PKNOX2: variants seen among roughly 807,000 people sequenced by gnomAD.
The protein encoded by PKNOX2 is PBX/knotted 1 homeobox 2.
A neutral mutation model predicts 53.1 loss-of-function variants in PKNOX2; 14 were observed. That is an observed-to-expected ratio of 0.26 (90% CI 0.17 to 0.41). PKNOX2 has a LOEUF of 0.41. Among genes scored for constraint, PKNOX2 ranks in the 10% least tolerant of loss-of-function variants. PKNOX2 has a pLI of 1.00. For missense variants in PKNOX2, 496 were observed against 602.8 expected, an observed-to-expected ratio of 0.82 and a Z score of 1.85; for synonymous variants, 257 against 242.8, an observed-to-expected ratio of 1.06 and a Z score of -0.54.
intron 3 of PKNOX2, among the ~76,000 whole-genome samples, chr11:125,333,852 T>G (rs1290777777): frequency 6.6e-6 from 1 of 152,154 alleles, no homozygotes; most frequent in Non-Finnish European, 1.5e-5. Flanking sequence ...GGGGAAGGGC[T>G]GGGGTGGAGG....
chr11:125,271,561 T>C (rs1228664949), intron 2 of PKNOX2, among the ~76,000 whole-genome samples: 1 of 152,260 alleles, frequency 6.6e-6, no homozygotes, highest in Non-Finnish European at 1.5e-5. Flanking sequence ...ATGCTGGCAC[T>C]GTATCAGAGC....
At chr11:125,316,305 T>C (rs998446341) in intron 2 of PKNOX2, among the ~76,000 whole-genome samples, 5 of 152,302 alleles carry the variant, frequency 3.3e-5, no homozygotes, top group Admixed American at 2.6e-4. Flanking sequence ...TGAACTCTCT[T>C]ATGTGGCCTT....
intron 1 of PKNOX2, among the ~76,000 whole-genome samples, chr11:125,178,329 A>T (rs61087644): frequency 0.17 from 25,139 of 151,434 alleles, 4,376 homozygotes; most frequent in African/African-American, 0.44. Context: ...CTGACCAACA[A>T]GGAGAAATCC....
chr11:125,216,487 A>T (rs760534948), intron 1 of PKNOX2, among the ~76,000 whole-genome samples: 1 of 152,092 alleles, frequency 6.6e-6, no homozygotes, highest in African/African-American at 2.4e-5. Flanking sequence ...CCGCCTGGGG[A>T]GGCACCGAGG....
At chr11:125,198,370 C>T (rs926595901) in intron 1 of PKNOX2, among the ~76,000 whole-genome samples, 1 of 152,192 alleles carries the variant, frequency 6.6e-6, no homozygotes, top group African/African-American at 2.4e-5. Flanking sequence ...CGATACGACA[C>T]CACACCCCAT....
At chr11:125,369,284 C>A (rs1025944628) in intron 5 of PKNOX2, among the ~76,000 whole-genome samples, 1 of 152,238 alleles carries the variant, frequency 6.6e-6, no homozygotes, top group Admixed American at 6.5e-5. Context: ...CCCTGTGAAA[C>A]ACACAGGCTA....
intron 4 of PKNOX2, among the ~76,000 whole-genome samples, chr11:125,359,665 C>T (rs886839062): frequency 6.6e-6 from 1 of 152,218 alleles, no homozygotes; most frequent in African/African-American, 2.4e-5. Flanking sequence ...TGCCAGGAAA[C>T]TGATCCCATA....
intron 8 of PKNOX2, 138 bp downstream of exon 8, chr11:125,410,463 T>C: frequency 8.0e-7 from 1 of 1,243,190 alleles, no homozygotes; most frequent in Non-Finnish European, 1.1e-6. Flanking sequence ...TAAAGTTTTC[T>C]GTAAGTTTAT....
chr11:125,225,659 G>A (rs904768501), intron 1 of PKNOX2, among the ~76,000 whole-genome samples: 2 of 152,178 alleles, frequency 1.3e-5, no homozygotes, highest in African/African-American at 2.4e-5. Context: ...TCATTATGCA[G>A]GGTTTCCAGT....
At chr11:125,280,524 C>G (rs1007161348) in intron 2 of PKNOX2, among the ~76,000 whole-genome samples, 1 of 152,194 alleles carries the variant, frequency 6.6e-6, no homozygotes, top group Non-Finnish European at 1.5e-5. Context: ...AGGATGCACA[C>G]AGCCAGTCTA....
intron 2 of PKNOX2, among the ~76,000 whole-genome samples, chr11:125,276,666 G>C (rs759195207): frequency 6.6e-6 from 1 of 152,182 alleles, no homozygotes; most frequent in African/African-American, 2.4e-5. Flanking sequence ...AACTGAGAGT[G>C]GGGTGGGGAG....
chr11:125,371,262 G>C (rs1374975485), intron 5 of PKNOX2, among the ~76,000 whole-genome samples: 1 of 152,158 alleles, frequency 6.6e-6, no homozygotes, highest in South Asian at 2.1e-4. Flanking sequence ...TTGTGTTTGT[G>C]GCCCAGGAGC....
chr11:125,173,809 C>T (rs375887529), intron 1 of PKNOX2, among the ~76,000 whole-genome samples: 11 of 152,166 alleles, frequency 7.2e-5, no homozygotes, highest in Admixed American at 2.0e-4. Flanking sequence ...GGCTCGTGCC[C>T]GTGGTCATCA....
rs111288282 is a variant in PKNOX2 at position 125,295,246 on chromosome 11, A to T, written c.-129-36573A>T. Among the ~76,000 whole-genome samples, 105 of 152,370 alleles carry T rather than the reference A, an allele frequency of 6.9e-4. 1 individual carries two copies. The highest frequency in any genetic ancestry group is 2.5e-3 in the African/African-American group (102 of 41,590). ...TGACAACAATGAACAAGGTAGCATG[A>T]AAAGTTGAAGGAGGGGGAAGGTATT... On this transcript the variant is annotated intron_variant, in intron 2 of 12. Coordinates refer to ENST00000298282, the MANE Select transcript of PKNOX2 (RefSeq NM_001382323.2).
At chr11:125,344,627 T>C (rs945038771) in intron 3 of PKNOX2, among the ~76,000 whole-genome samples, 4 of 152,172 alleles carry the variant, frequency 2.6e-5, no homozygotes, top group Admixed American at 6.5e-5. Flanking sequence ...ACCTCCCAAG[T>C]TGGCTTCCCA....
intron 2 of PKNOX2, among the ~76,000 whole-genome samples, chr11:125,284,323 G>C (rs1946763879): frequency 6.6e-6 from 1 of 152,216 alleles, no homozygotes; most frequent in South Asian, 2.1e-4. Flanking sequence ...GAGAGTATGA[G>C]AGTGTCTTAT....
At chr11:125,260,176 C>A (rs1944733989) in intron 2 of PKNOX2, among the ~76,000 whole-genome samples, 1 of 151,932 alleles carries the variant, frequency 6.6e-6, no homozygotes, top group South Asian at 2.1e-4. Flanking sequence ...TCATGCTTGG[C>A]CCAATTTTTG....
At chr11:125,424,208 C>A (rs1278290238) in intron 10 of PKNOX2, among the ~76,000 whole-genome samples, 3 of 151,910 alleles carry the variant, frequency 2.0e-5, no homozygotes, top group Non-Finnish European at 4.4e-5. Flanking sequence ...TTTCTTCGTA[C>A]TTTTCTGAGT....
intron 2 of PKNOX2, among the ~76,000 whole-genome samples, chr11:125,297,263 A>C (rs535132834): frequency 7.9e-5 from 12 of 152,372 alleles, no homozygotes; most frequent in African/African-American, 2.6e-4. Flanking sequence ...GGCAGATAGC[A>C]GGGAGTGAGT....
Sources: allele counts gnomAD v4.1 joint callset (sites outside exome capture counted in the v4.1 genomes callset), GRCh38; gene constraint gnomAD v4.1.1; transcripts MANE v1.5; gene names NCBI Gene and HGNC (gene_info 2026-07-23, HGNC 2026-07-21).